DISP1: variants seen among roughly 807,000 people sequenced by gnomAD.
The protein encoded by DISP1 is protein dispatched homolog 1.
In DISP1, 30 loss-of-function variants were observed where a neutral mutation model predicts 37.3. The ratio of observed to expected loss-of-function variants is 0.80; its 90% CI spans 0.60 to 1.09. The LOEUF (loss-of-function observed/expected upper bound fraction) is 1.09. Among genes scored for constraint, DISP1 ranks in the 50% least tolerant of loss-of-function variants. The pLI is 0.00. For missense variants in DISP1, 1,598 were observed against 1,879.5 expected (o/e 0.85, Z 2.77); for synonymous variants, 634 against 690.2 (o/e 0.92, Z 1.28).
rs191792435 is a variant in DISP1 at position 222,947,845 on chromosome 1, G to A, written c.509+4513G>A. ...CATTGTGGAGAGTAGATTGAATTGG[G>A]TCAGGACCGTTGTAGATAGGAAGAA... On this transcript the variant is annotated intron_variant, in intron 3 of 8. Coordinates refer to ENST00000675850, the MANE Select transcript of DISP1 (RefSeq NM_001377229.1). 2.8e-4 allele frequency among the ~76,000 whole-genome samples: 42 copies of A among 152,242 alleles called. No homozygotes were observed. In the East Asian group the frequency reaches 7.5e-3, roughly 27 times the overall value.
chr1:223,003,947 C>A lies in DISP1; in HGVS notation c.2550C>A (p.Ser850Arg). ...FYQTDEQDFT[S>R]CFIETFKQWM... ...AGACTGATGAACAGGACTTCACCAG[C>A]TGCTTCATTGAGACATTCAAACAGT... is the stretch of plus-strand genomic sequence containing the variant. The change falls in exon 9 of 9, where the codon AGC (serine) becomes AGA (arginine). Residue 850 changes from serine (S) to arginine (R), a missense_variant. Transcript: ENST00000675850. The surrounding 1 kb of genome is among the most constrained non-coding windows in gnomAD (Gnocchi z 4.3). The A allele has an allele frequency of 6.2e-7, 1 of 1,614,194 alleles. No individual in the cohort carries two copies. The highest frequency in any genetic ancestry group is 1.1e-5 in the South Asian group (1 of 91,080).
At chr1:222,982,954 C>T in intron 3 of DISP1, 126 bp from the exon 4 acceptor site, 4 of 714,264 alleles carry the variant, frequency 5.6e-6, no homozygotes, top group Non-Finnish European at 7.0e-6. Context: ...TTTTTTAACA[C>T]TTCCAAGATT....
At chr1:222,978,654 G>A (rs1023962034) in intron 3 of DISP1, among the ~76,000 whole-genome samples, 10 of 152,134 alleles carry the variant, frequency 6.6e-5, no homozygotes, top group African/African-American at 2.4e-4. Context: ...ATGGTTTTAG[G>A]TCTAACATTT....
At chr1:222,926,173 C>A (rs1034009169) in intron 1 of DISP1, among the ~76,000 whole-genome samples, 1 of 152,180 alleles carries the variant, frequency 6.6e-6, no homozygotes, top group East Asian at 1.9e-4. Context: ...TAAATGGAAT[C>A]ATAAAATATG....
intron 2 of DISP1, among the ~76,000 whole-genome samples, chr1:222,941,683 A>G (rs1674397022): frequency 6.6e-6 from 1 of 152,132 alleles, no homozygotes; most frequent in Non-Finnish European, 1.5e-5. Context: ...TGGGGGATCC[A>G]GGTTTGCCAG....
intron 2 of DISP1, 70 bp from the exon 3 acceptor site, chr1:222,942,737 T>C (rs1228719696): frequency 1.3e-6 from 2 of 1,569,066 alleles, no homozygotes; most frequent in Non-Finnish European, 1.8e-6. Flanking sequence ...TTTTTAAATA[T>C]CATACTTGTC....
intron 1 of DISP1, among the ~76,000 whole-genome samples, chr1:222,861,945 T>A (rs1052333818): frequency 6.6e-6 from 1 of 152,196 alleles, no homozygotes; most frequent in African/African-American, 2.4e-5. Context: ...TTTTTTATAG[T>A]ACATTTTTCT....
intron 3 of DISP1, among the ~76,000 whole-genome samples, chr1:222,979,374 T>A (rs1290480357): frequency 6.6e-6 from 1 of 151,952 alleles, no homozygotes; most frequent in Non-Finnish European, 1.5e-5. Flanking sequence ...CCCACTGCAC[T>A]CCAGCCTGGG....
intron 3 of DISP1, among the ~76,000 whole-genome samples, chr1:222,981,568 G>T (rs1185658711): frequency 6.6e-6 from 1 of 152,142 alleles, no homozygotes; most frequent in East Asian, 1.9e-4. Context: ...AACCCTGTTT[G>T]TCTTGTTCAT....
chr1:222,857,618 A>G (rs1419431599), intron 1 of DISP1, among the ~76,000 whole-genome samples: 1 of 152,236 alleles, frequency 6.6e-6, no homozygotes, highest in East Asian at 1.9e-4. Flanking sequence ...AAAAATCACA[A>G]GCATTTCTAC....
chr1:222,952,513 G>C (rs1675297968), intron 3 of DISP1, among the ~76,000 whole-genome samples: 1 of 152,074 alleles, frequency 6.6e-6, no homozygotes, highest in Admixed American at 6.6e-5. Flanking sequence ...CTTGTGTTTT[G>C]TTTATTAAAT....
chr1:222,943,068 G>T lies in DISP1; in HGVS notation c.245G>T (p.Cys82Phe). ...ATGCCTCAGATGTTACCCCAATGCT[G>T]CCATCCTTGCCCATACCATCACCCT... ...QRMPQMLPQC[C>F]HPCPYHHPLT... The change falls in exon 3 of 9, where the codon TGC becomes TTC. Residue 82 changes from cysteine to phenylalanine, a missense_variant. Cys to Phe is a radical substitution (Grantham distance 205, BLOSUM62 -2). Coordinates refer to ENST00000675850, the MANE Select transcript of DISP1 (RefSeq NM_001377229.1). 6.2e-7 allele frequency: 1 copy of T among 1,614,130 alleles called. No individual in the cohort carries two copies. Among genetic ancestry groups the T allele is most frequent in the Non-Finnish European group, 8.5e-7 (1 of 1,180,024 alleles).
intron 3 of DISP1, among the ~76,000 whole-genome samples, chr1:222,951,484 T>C (rs1261710368): frequency 6.6e-6 from 1 of 152,252 alleles, no homozygotes; most frequent in African/African-American, 2.4e-5. Context: ...CCCCTCTCCT[T>C]AGCCCTGGTG....
intron 2 of DISP1, among the ~76,000 whole-genome samples, chr1:222,938,724 C>A (rs530809110): frequency 5.1e-4 from 59 of 114,944 alleles, no homozygotes; most frequent in South Asian, 8.9e-4. Context: ...CAGAGCAAGA[C>A]CCTGTCTTTA....
intron 1 of DISP1, among the ~76,000 whole-genome samples, chr1:222,878,921 T>C (rs901143237): frequency 6.6e-6 from 1 of 152,140 alleles, no homozygotes; most frequent in African/African-American, 2.4e-5. Flanking sequence ...GCAATAACAA[T>C]TTTATGTGTA....
At position 222,893,647 on chromosome 1, in the gene DISP1, A is replaced by G. The variant is rs1671070102; in HGVS notation, c.-158-34783A>G. On this transcript the variant is annotated intron_variant, in intron 1 of 8. Transcript: ENST00000675850. This position sits in a 1 kb window ranked among gnomAD's most constrained non-coding sequence, Gnocchi z 4.3. The stretch of plus-strand genomic sequence containing the variant: ...ACTGCATGCAGCTTCCACTGCGGGC[A>G]CCCATGTCTGGATGAGGGGAATGTG... Among the ~76,000 whole-genome samples, 1 of 152,152 alleles carries G rather than the reference A, an allele frequency of 6.6e-6. No individual in the cohort carries two copies. The highest frequency in any genetic ancestry group is 2.1e-4 in the South Asian group (1 of 4,828).
At chr1:222,832,070 A>T (rs1665892087) in intron 1 of DISP1, among the ~76,000 whole-genome samples, 1 of 152,112 alleles carries the variant, frequency 6.6e-6, no homozygotes, top group Non-Finnish European at 1.5e-5. Context: ...ACTTGAGGTC[A>T]GGAGTTAAAA....
rs575024408 is a variant in DISP1 at position 222,838,950 on chromosome 1, T to TGTGATAGGC, written c.-159+23874_-159+23882dup. On this transcript the variant is annotated intron_variant, in intron 1 of 8. Transcript: ENST00000675850. ...TCTATTTGATTTGGTTTCTTTATTT[T>TGTGATAGGC]GTGATAGGCGCATTCCTTGGTTGTT... Among the ~76,000 whole-genome samples the TGTGATAGGC allele has an allele frequency of 5.3e-3, 813 of 152,360 alleles. 4 individuals carry two copies. Among genetic ancestry groups the TGTGATAGGC allele is most frequent in the African/African-American group, 0.019 (772 of 41,572 alleles).
At chr1:222,912,922 A>G (rs1442940799) in intron 1 of DISP1, among the ~76,000 whole-genome samples, 1 of 152,228 alleles carries the variant, frequency 6.6e-6, no homozygotes, top group Non-Finnish European at 1.5e-5. Context: ...TAATGGGTGC[A>G]AGAATGAAAC....
Sources: gnomAD v4.1 joint callset for allele counts (sites outside exome capture counted in the v4.1 genomes callset) on GRCh38, gnomAD v4.1.1 for gene constraint, Gnocchi (gnomAD v3.1) non-coding constraint, MANE v1.5 for transcripts, NCBI Gene and HGNC (gene_info 2026-07-23, HGNC 2026-07-21) for gene names.